PSIP1: variants seen among roughly 807,000 people sequenced by gnomAD.
The protein encoded by PSIP1 is PC4 and SRSF1 interacting protein 1.
A neutral mutation model predicts 74.7 loss-of-function variants in PSIP1; 19 were observed. That is an observed-to-expected ratio of 0.25 (90% confidence interval 0.18 to 0.37). The LOEUF (loss-of-function observed/expected upper bound fraction) is 0.37, where lower values mean the gene tolerates loss of function less well. PSIP1 is among the 10% of genes least tolerant of loss of function. The pLI, the probability that PSIP1 is intolerant of heterozygous loss-of-function variation, is 1.00. For synonymous variants in PSIP1, 222 were observed against 195.3 expected (o/e 1.14, Z -1.14); for missense variants, 601 against 614.3 (o/e 0.98, Z 0.23).
At chr9:15,490,241 C>A in intron 3 of PSIP1, 117 bp from the exon 4 acceptor site, 1 of 965,600 alleles carries the variant, frequency 1.0e-6, no homozygotes, top group East Asian at 2.9e-5. Context: ...CATTACAAAT[C>A]TTAAATAAGT....
Position 15,486,823 on chromosome 9 carries a change from A to T in PSIP1, c.393+4T>A, listed in dbSNP as rs1269554488. ...TTTAAAATGTTAGGAGAAATAGAAC[A>T]TACCTCATTGCTGGCTTTTTCTTCA... On this transcript the variant is annotated splice_donor_region_variant and intron_variant, in intron 5 of 15. Transcript: ENST00000380733. 6.3e-7 allele frequency: 1 copy of T among 1,584,356 alleles called. No individual in the cohort carries two copies. Among genetic ancestry groups the T allele is most frequent in the South Asian group, 1.1e-5 (1 of 88,752 alleles).
Position 15,465,502 on chromosome 9 carries a change from T to C in PSIP1, c.*18A>G. ...TTACAAACTTCTCAAGTGTTCTCTA[T>C]ATTCCAGGTATGTCAACCTAGTTAT... On this transcript the variant is annotated 3_prime_UTR_variant, in exon 16 of 16. Transcript: ENST00000380733. 6.6e-7 allele frequency: 1 copy of C among 1,519,084 alleles called. No homozygotes were observed. Among genetic ancestry groups the C allele is most frequent in the Non-Finnish European group, 9.0e-7 (1 of 1,107,490 alleles). 94.1% of individuals were successfully genotyped at this position (1,519,084 alleles called of 1,614,324 possible).
intron 3 of PSIP1, chr9:15,491,852 G>A (rs1393332914): frequency 6.6e-6 from 1 of 152,620 alleles, no homozygotes; most frequent in Admixed American, 6.5e-5. Context: ...CTCTTCACAG[G>A]GCCACAGGAG....
At chr9:15,467,989 G>A (rs939135071) in intron 14 of PSIP1, among the ~76,000 whole-genome samples, 6 of 151,984 alleles carry the variant, frequency 3.9e-5, no homozygotes, top group Non-Finnish European at 5.9e-5. Flanking sequence ...GTGTGGTGGC[G>A]TATGCCTGTA....
Position 15,465,628 on chromosome 9 carries a change from A to G in PSIP1, c.1533-48T>C, listed in dbSNP as rs746813414. ...CAACTGGAATTAGGATTTTCTCCTG[A>G]TGAAGGAAAAAAAGACATTAAGTCT... On this transcript the variant is annotated intron_variant, in intron 15 of 15. Coordinates refer to ENST00000380733, the MANE Select transcript of PSIP1 (RefSeq NM_033222.5). 44 of 1,439,554 alleles carry G rather than the reference A, an allele frequency of 3.1e-5. No homozygotes were observed. In the African/African-American group the frequency reaches 6.3e-4, roughly 21 times the overall value. The allele number at this position is 1,439,554 out of a possible 1,614,324, so 89.2% of individuals were successfully genotyped here. A position where few individuals can be genotyped will look rare whatever the true frequency, so the allele number is the denominator to read the frequency against.
intron 2 of PSIP1, 150 bp from the exon 3 acceptor site, chr9:15,506,787 C>T (rs984814533): frequency 6.6e-6 from 4 of 604,268 alleles, no homozygotes; most frequent in Non-Finnish European, 1.1e-5. Context: ...AAATCTGAAA[C>T]CCAAGAAGCT....
At chr9:15,495,001 AAAC>A (rs1169469813) in intron 3 of PSIP1, among the ~76,000 whole-genome samples, 35 of 152,206 alleles carry the variant, frequency 2.3e-4, no homozygotes, top group African/African-American at 7.0e-4. Context: ...AAAACCAGAA[AAAC>A]AACAGTAAAG....
chr9:15,474,073 G>A lies in PSIP1; in HGVS notation c.794C>T (p.Ala265Val). 1 of 1,613,536 alleles carries A rather than the reference G, an allele frequency of 6.2e-7. No homozygotes were observed. The highest frequency in any genetic ancestry group is 8.5e-7 in the Non-Finnish European group (1 of 1,179,862). Residue 265 changes from alanine to valine, a missense_variant, in exon 9 of 16, where the codon GCT becomes GTT. Around this residue, in one of 2 missense-constraint regions of PSIP1, gnomAD observed 538 missense variants for 507.6 expected, o/e 1.06. Transcript: ENST00000380733. ...GGAGGTTGAAGTAACCCCTGTTTTAGCTAAATTTTTCCTTTTTGATTCAAC... is the reference window on the plus strand; with the variant it reads ...GGAGGTTGAAGTAACCCCTGTTTTAACTAAATTTTTCCTTTTTGATTCAAC... ...KEVESKRKNL[A>V]KTGVTSTSDS...
chr9:15,469,426 T>TAA, intron 11 of PSIP1, 90 bp from the exon 12 acceptor site: 3 of 666,644 alleles, frequency 4.5e-6, no homozygotes, highest in Non-Finnish European at 7.3e-6. Flanking sequence ...TTAGTGGACT[T>TAA]AAAAAAAAAA....
chr9:15,475,051 A>AT, intron 8 of PSIP1, among the ~76,000 whole-genome samples: 1 of 152,284 alleles, frequency 6.6e-6, no homozygotes, highest in Non-Finnish European at 1.5e-5. Flanking sequence ...AAGGTCAAAT[A>AT]ACAAGCCCAA....
At position 15,487,858 on chromosome 9, in the gene PSIP1, T is replaced by C. The variant is rs188900998; in HGVS notation, c.289-927A>G. Among the ~76,000 whole-genome samples the C allele has an allele frequency of 6.4e-4, 98 of 152,328 alleles. 1 individual carries two copies. Among genetic ancestry groups the C allele is most frequent in the Admixed American group, 3.7e-3 (57 of 15,306 alleles). On this transcript the variant is annotated intron_variant, in intron 4 of 15. Coordinates refer to ENST00000380733, the MANE Select transcript of PSIP1 (RefSeq NM_033222.5). Reference sequence around the variant, plus strand: ...GTACAGACAAGTACAGAAACAATTATGATATGGTTCGATGAATCCATTAAC... The same window carrying C: ...GTACAGACAAGTACAGAAACAATTACGATATGGTTCGATGAATCCATTAAC...
At chr9:15,497,290 A>G (rs1459314881) in intron 3 of PSIP1, among the ~76,000 whole-genome samples, 1 of 150,876 alleles carries the variant, frequency 6.6e-6, no homozygotes, top group Non-Finnish European at 1.5e-5. Context: ...TAAGTGAGAA[A>G]AGCCAGCCAC....
chr9:15,479,481 T>C (rs2132085305), intron 7 of PSIP1, 110 bp downstream of exon 7: 1 of 698,920 alleles, frequency 1.4e-6, no homozygotes, highest in Non-Finnish European at 2.3e-6. Context: ...ATGTTACACA[T>C]AATCAATTGC....
At chr9:15,475,719 T>C (rs1396520482) in intron 8 of PSIP1, among the ~76,000 whole-genome samples, 1 of 152,156 alleles carries the variant, frequency 6.6e-6, no homozygotes, top group Non-Finnish European at 1.5e-5. Flanking sequence ...AGGTGTGAAA[T>C]AATCTTTGTG....
At chr9:15,468,540 A>G in intron 14 of PSIP1, 90 bp downstream of exon 14, 1 of 1,375,010 alleles carries the variant, frequency 7.3e-7, no homozygotes, top group Non-Finnish European at 1.0e-6. Flanking sequence ...GCGTATACAC[A>G]GTGAAACTAT....
At chr9:15,475,457 G>A (rs571333102) in intron 8 of PSIP1, among the ~76,000 whole-genome samples, 1 of 152,116 alleles carries the variant, frequency 6.6e-6, no homozygotes, top group Non-Finnish European at 1.5e-5. Context: ...CTGTATGGAA[G>A]GAAATAGCTA....
At chr9:15,510,396 A>T in intron 1 of PSIP1, 67 bp from the exon 2 acceptor site, 1 of 8,916 alleles carries the variant, frequency 1.1e-4, no homozygotes. Context: ...GGGGAGGGGG[A>T]GGGGAACCGG....
At chr9:15,492,708 C>G (rs935780112) in intron 3 of PSIP1, among the ~76,000 whole-genome samples, 2 of 152,100 alleles carry the variant, frequency 1.3e-5, no homozygotes, top group Admixed American at 6.5e-5. Context: ...CAGACTTCTA[C>G]CTGGACATCC....
intron 6 of PSIP1, among the ~76,000 whole-genome samples, chr9:15,482,333 T>C (rs199877272): frequency 6.6e-6 from 1 of 152,188 alleles, no homozygotes; most frequent in East Asian, 1.9e-4. Flanking sequence ...GCAATCTCAG[T>C]TGAGATCTCA....
Sources: gnomAD v4.1 joint callset for allele counts (sites outside exome capture counted in the v4.1 genomes callset) on GRCh38, gnomAD v4.1.1 for gene constraint, gnomAD v4.1.1 regional missense constraint, MANE v1.5 for transcripts, NCBI Gene and HGNC (gene_info 2026-07-23, HGNC 2026-07-21) for gene names.